NRXN1: variants seen among roughly 807,000 people sequenced by gnomAD.
The protein encoded by NRXN1 is neurexin 1.
In NRXN1, 39 loss-of-function variants were observed where a neutral mutation model predicts 150.9. The ratio of observed to expected loss-of-function variants is 0.26; its 90% CI spans 0.20 to 0.34. NRXN1 has a LOEUF of 0.34. Among genes scored for constraint, NRXN1 ranks in the 10% least tolerant of loss-of-function variants. NRXN1 has a pLI of 1.00. For missense variants in NRXN1, 1,815 were observed against 1,949.9 expected (o/e 0.93, Z 1.30); for synonymous variants, 924 against 757.0 (o/e 1.22, Z -3.62).
At chr2:50,702,738 A>C (rs1693922780) in intron 5 of NRXN1, among the ~76,000 whole-genome samples, 1 of 152,114 alleles carries the variant, frequency 6.6e-6, no homozygotes, top group Non-Finnish European at 1.5e-5. Context: ...AAATTAAAAC[A>C]CTGTATCGAA....
intron 18 of NRXN1, among the ~76,000 whole-genome samples, chr2:50,235,061 T>A (rs2152876939): frequency 6.6e-6 from 1 of 152,238 alleles, no homozygotes; most frequent in East Asian, 1.9e-4. Context: ...TTGAGAGTGA[T>A]CATTGTAGAA....
chr2:50,010,947 T>C (rs1056625546), intron 21 of NRXN1, among the ~76,000 whole-genome samples: 2 of 152,148 alleles, frequency 1.3e-5, no homozygotes, highest in Non-Finnish European at 2.9e-5. Flanking sequence ...TAGCAAATCA[T>C]TGAGAGTCAA....
At chr2:50,365,830 A>G (rs1202853129) in intron 17 of NRXN1, among the ~76,000 whole-genome samples, 2 of 152,120 alleles carry the variant, frequency 1.3e-5, no homozygotes, top group Non-Finnish European at 2.9e-5. Flanking sequence ...CTTGCTTTAC[A>G]TATAACTGGA....
At chr2:50,608,058 G>C (rs1677427557) in intron 8 of NRXN1, among the ~76,000 whole-genome samples, 1 of 151,814 alleles carries the variant, frequency 6.6e-6, no homozygotes, top group South Asian at 2.1e-4. Flanking sequence ...GGGTAAATGA[G>C]AGCTTCTGTG....
At chr2:50,070,424 G>C (rs1696071578) in intron 19 of NRXN1, among the ~76,000 whole-genome samples, 1 of 152,114 alleles carries the variant, frequency 6.6e-6, no homozygotes, top group Non-Finnish European at 1.5e-5. Flanking sequence ...TGGTTCAAGA[G>C]ACATTCTCAT....
At chr2:50,901,623 AC>A (rs1243673158) in intron 5 of NRXN1, among the ~76,000 whole-genome samples, 1 of 152,194 alleles carries the variant, frequency 6.6e-6, no homozygotes, top group Non-Finnish European at 1.5e-5. Flanking sequence ...AAAGTTATAT[AC>A]AAGCAAGAAC....
At chr2:50,354,044 A>G (rs2078612049) in intron 17 of NRXN1, among the ~76,000 whole-genome samples, 1 of 152,106 alleles carries the variant, frequency 6.6e-6, no homozygotes, top group Non-Finnish European at 1.5e-5. Flanking sequence ...CTTTCTCATT[A>G]AGCTCCTTAC....
chr2:50,068,628 A>G (rs1163264157), intron 19 of NRXN1, among the ~76,000 whole-genome samples: 2 of 152,230 alleles, frequency 1.3e-5, no homozygotes, highest in African/African-American at 4.8e-5. Flanking sequence ...TCCATAATAT[A>G]TGCCAATCTC....
chr2:50,089,796 A>G (rs951658378), intron 19 of NRXN1, among the ~76,000 whole-genome samples: 2 of 152,130 alleles, frequency 1.3e-5, no homozygotes, highest in Non-Finnish European at 2.9e-5. Context: ...CAAAAAAAAA[A>G]AAAAAGTTAA....
At chr2:50,756,849 T>C (rs776115456) in intron 5 of NRXN1, among the ~76,000 whole-genome samples, 1 of 151,942 alleles carries the variant, frequency 6.6e-6, no homozygotes, top group Non-Finnish European at 1.5e-5. Context: ...TATAAGAGCA[T>C]ATTTGCATGT....
chr2:50,033,286 C>T (rs986571340), intron 21 of NRXN1, among the ~76,000 whole-genome samples: 1 of 151,906 alleles, frequency 6.6e-6, no homozygotes, highest in African/African-American at 2.4e-5. Flanking sequence ...GACACATGGA[C>T]CAACAGAACA....
intron 5 of NRXN1, among the ~76,000 whole-genome samples, chr2:50,664,746 T>C (rs192646903): frequency 2.0e-4 from 31 of 151,256 alleles, no homozygotes; most frequent in Admixed American, 1.9e-3. Flanking sequence ...AAGCTTTAGG[T>C]TGACATAATA....
At chr2:50,091,924 T>C (rs777848494) in intron 18 of NRXN1, among the ~76,000 whole-genome samples, 1 of 152,204 alleles carries the variant, frequency 6.6e-6, no homozygotes, top group Non-Finnish European at 1.5e-5. Flanking sequence ...TGACAAATAC[T>C]CACAATAGGG....
intron 8 of NRXN1, among the ~76,000 whole-genome samples, chr2:50,576,918 A>G (rs1048175248): frequency 3.9e-5 from 6 of 152,046 alleles, no homozygotes; most frequent in African/African-American, 1.2e-4. Context: ...TAATTAGTAA[A>G]TACTGCACCT....
intron 2 of NRXN1, among the ~76,000 whole-genome samples, chr2:50,969,380 A>C (rs1297038996): frequency 6.6e-6 from 1 of 152,178 alleles, no homozygotes; most frequent in African/African-American, 2.4e-5. Context: ...TTTGTATCTC[A>C]AATGTCATTA....
chr2:50,435,708 A>G lies in NRXN1; in HGVS notation c.3364+29734T>C, dbSNP rs719292. ...TGATAATTCTGCTTTGAGTTATTTG[A>G]AAAATCACCAGACTGTTCTCACTAT... is the stretch of plus-strand genomic sequence containing the variant. On this transcript the variant is annotated intron_variant, in intron 17 of 22. Coordinates refer to ENST00000401669, the MANE Select transcript of NRXN1 (RefSeq NM_001330078.2). 3.9e-3 allele frequency among the ~76,000 whole-genome samples: 596 copies of G among 152,258 alleles called. 5 individuals are homozygous for G. The highest frequency in any genetic ancestry group is 0.013 in the African/African-American group (553 of 41,548).
intron 5 of NRXN1, among the ~76,000 whole-genome samples, chr2:50,911,325 T>C (rs1378534322): frequency 6.6e-6 from 1 of 151,698 alleles, no homozygotes; most frequent in East Asian, 2.0e-4. Context: ...ATCACCCTCA[T>C]CACTCTCTCC....
At chr2:50,115,978 G>C (rs1401088075) in intron 18 of NRXN1, among the ~76,000 whole-genome samples, 1 of 152,054 alleles carries the variant, frequency 6.6e-6, no homozygotes, top group Non-Finnish European at 1.5e-5. Flanking sequence ...AATACTAGTA[G>C]TCATATTTCT....
intron 18 of NRXN1, among the ~76,000 whole-genome samples, chr2:50,103,109 G>A (rs941988855): frequency 6.6e-6 from 1 of 152,030 alleles, no homozygotes; most frequent in African/African-American, 2.4e-5. Flanking sequence ...ATTCATCAAT[G>A]TGCATTATGA....
Sources: gnomAD v4.1 joint callset for allele counts (sites outside exome capture counted in the v4.1 genomes callset) on GRCh38, gnomAD v4.1.1 for gene constraint, MANE v1.5 for transcripts, NCBI Gene and HGNC (gene_info 2026-07-23, HGNC 2026-07-21) for gene names.